COL6A6: variants seen among roughly 807,000 people sequenced by gnomAD.
COL6A6 encodes collagen alpha-6(VI) chain.
COL6A6 carries 183 observed loss-of-function variants against 208.6 expected under a neutral mutation model. That is an observed-to-expected ratio of 0.88 (90% CI 0.78 to 0.99). The LOEUF is 0.99. Ranked by LOEUF, COL6A6 falls within the 50% of genes least tolerant of loss-of-function variation. COL6A6 has a pLI of 0.00. For synonymous variants in COL6A6, 973 were observed against 1,011.8 expected (o/e 0.96, Z 0.73); for missense variants, 2,816 against 2,815.2 (o/e 1.00, Z -0.01).
At chr3:130,554,808 C>T (rs2062730533) in intron 1 of COL6A6, among the ~76,000 whole-genome samples, 1 of 152,106 alleles carries the variant, frequency 6.6e-6, no homozygotes, top group African/African-American at 2.4e-5. Flanking sequence ...TGGGAGGCTG[C>T]AGTGGGGGAG....
rs368227266 is a variant in COL6A6 at position 130,599,767 on chromosome 3, G to T, written c.4610G>T (p.Gly1537Val). ...KGERGRQGRR[G>V]WPGPPGTPGS... ...CTGTTCCTTTGACAGGGCAGAAGAG[G>T]CTGGCCAGGCCCCCCCGGGACACCA... Residue 1537 changes from glycine to valine, a missense_variant, in exon 20 of 37, where the codon GGC (glycine) becomes GTC (valine). Coordinates refer to ENST00000358511, the MANE Select transcript of COL6A6 (RefSeq NM_001102608.3). 3 of 1,613,750 alleles carry T rather than the reference G, an allele frequency of 1.9e-6. No individual in the cohort carries two copies. The East Asian group carries it at 6.7e-5, about 36-fold the overall frequency.
At chr3:130,560,546 G>A in intron 2 of COL6A6, 118 bp downstream of exon 2, 1 of 792,644 alleles carries the variant, frequency 1.3e-6, no homozygotes, top group Non-Finnish European at 2.0e-6. Context: ...TGATGGTAGT[G>A]AGATTAAGGG....
Position 130,567,180 on chromosome 3 carries a change from A to C in COL6A6, c.1761A>C (p.Glu587Asp). The C allele has an allele frequency of 6.2e-7, 1 of 1,613,718 alleles. No individual in the cohort carries two copies. Among genetic ancestry groups the C allele is most frequent in the Non-Finnish European group, 8.5e-7 (1 of 1,179,872 alleles). Residue 587 changes from glutamate (E) to aspartate (D), a missense_variant, in exon 5 of 37, where the codon GAA (glutamate) becomes GAC (aspartate). Transcript: ENST00000358511. Reference protein sequence around the residue: ...QTQLREIAGEEKRVYYVHDFD... With the variant: ...QTQLREIAGEDKRVYYVHDFD... ...AGCTGAGAGAAATTGCAGGAGAGGAAAAGAGAGTGTATTACGTGCATGACT... is the reference window on the plus strand; with the variant it reads ...AGCTGAGAGAAATTGCAGGAGAGGACAAGAGAGTGTATTACGTGCATGACT...
chr3:130,634,515 A>G, intron 26 of COL6A6, 75 bp from the exon 27 acceptor site: 1 of 1,297,660 alleles, frequency 7.7e-7, no homozygotes. Context: ...ACAGGGCAGC[A>G]GGTAAATTGA....
chr3:130,662,689 T>C lies in COL6A6; in HGVS notation c.6502+381T>C, dbSNP rs148846246. On this transcript the variant is annotated intron_variant, in intron 35 of 36. Transcript: ENST00000358511. ...CTGCCCTTTGATGGAAAGTTTCATC[T>C]GTTAAGGCACCAAAAAAGAGAGCCA... Among the ~76,000 whole-genome samples the C allele has an allele frequency of 3.1e-3, 473 of 152,300 alleles. 4 individuals carry two copies. The highest frequency in any genetic ancestry group is 0.011 in the African/African-American group (451 of 41,562).
At position 130,604,269 on chromosome 3, in the gene COL6A6, G is replaced by A. The variant is rs112341397; in HGVS notation, c.4654-2662G>A. ...AGCACTTTGGGAGGCTCAGGCGGGC[G>A]GATCATGAGGTCAGGAGATCGAGAC... On this transcript the variant is annotated intron_variant, in intron 20 of 36. Coordinates refer to ENST00000358511, the MANE Select transcript of COL6A6 (RefSeq NM_001102608.3). Among the ~76,000 whole-genome samples, 1,391 of 152,188 alleles carry A rather than the reference G, an allele frequency of 9.1e-3. 11 individuals are homozygous for A. The highest frequency in any genetic ancestry group is 0.018 in the African/African-American group (734 of 41,544).
In COL6A6 at chr3:130,592,993, T is replaced by C. The variant is rs374290388; in HGVS notation, c.4372-68T>C. ...ATGTGAAACACAAAAATAGAGTTTT[T>C]GTTTGGCATCTGACTTCTTTACACA... On this transcript the variant is annotated intron_variant, in intron 15 of 36. Transcript: ENST00000358511. The C allele has an allele frequency of 3.0e-3, 4,256 of 1,412,934 alleles. 15 individuals carry two copies. Among genetic ancestry groups the C allele is most frequent in the Non-Finnish European group, 3.8e-3 (3,861 of 1,004,754 alleles). The allele number at this position is 1,412,934 out of a possible 1,614,324, so 87.5% of individuals were successfully genotyped here. A position where few individuals can be genotyped will look rare whatever the true frequency, so the allele number is the denominator to read the frequency against.
intron 7 of COL6A6, among the ~76,000 whole-genome samples, chr3:130,572,870 GT>G (rs1363490040): frequency 1.3e-5 from 2 of 152,194 alleles, no homozygotes; most frequent in Admixed American, 1.3e-4. Flanking sequence ...AGTTCGGAGA[GT>G]GGTGAGATCA....
At position 130,599,825 on chromosome 3, in the gene COL6A6, A is replaced by G. The variant is rs143760442; in HGVS notation, c.4653+15A>G. 5 of 1,613,062 alleles carry G rather than the reference A, an allele frequency of 3.1e-6. No individual in the cohort carries two copies. Among genetic ancestry groups the G allele is most frequent in the Non-Finnish European group, 4.2e-6 (5 of 1,179,292 alleles). On this transcript the variant is annotated intron_variant, in intron 20 of 36. Coordinates refer to ENST00000358511, the MANE Select transcript of COL6A6 (RefSeq NM_001102608.3). The stretch of plus-strand genomic sequence containing the variant: ...GAAGAAAGACAGTAAGAGCCCTTCT[A>G]GACAAGGAGACCCACTGTTTTGGTG...
rs1398025659 is a variant in COL6A6 at position 130,574,496 on chromosome 3, G to A, written c.3518G>A (p.Arg1173His). 1.7e-5 allele frequency: 27 copies of A among 1,613,884 alleles called. No individual in the cohort carries two copies. Among genetic ancestry groups the A allele is most frequent in the Middle Eastern group, 1.6e-4 (1 of 6,062 alleles). ...ELKKVNKRIVRNICTTAGESN... is the reference protein window; with the variant it reads ...ELKKVNKRIVHNICTTAGESN... ...AAGAAGGTCAATAAAAGGATCGTTC[G>A]CAACATCTGTACCACAGCGGGTGAA... Residue 1173 changes from arginine to histidine, a missense_variant, in exon 8 of 37, where the codon CGC (arginine) becomes CAC (histidine). Transcript: ENST00000358511.
intron 1 of COL6A6, among the ~76,000 whole-genome samples, chr3:130,518,500 T>G (rs902370329): frequency 4.6e-5 from 7 of 151,950 alleles, no homozygotes; most frequent in East Asian, 1.9e-4. Flanking sequence ...TAAAAGAGGT[T>G]GTCAATTAAT....
At chr3:130,588,556 G>C (rs2063595462) in intron 11 of COL6A6, among the ~76,000 whole-genome samples, 1 of 152,156 alleles carries the variant, frequency 6.6e-6, no homozygotes, top group Non-Finnish European at 1.5e-5. Flanking sequence ...CGTGTAAGTT[G>C]TGTTTTTGAA....
At chr3:130,620,155 G>A (rs1395023919) in intron 23 of COL6A6, among the ~76,000 whole-genome samples, 1 of 152,030 alleles carries the variant, frequency 6.6e-6, no homozygotes. Context: ...GTGTTACTCA[G>A]CCTTTTAATA....
intron 1 of COL6A6, among the ~76,000 whole-genome samples, chr3:130,519,951 C>G (rs530472661): frequency 5.9e-5 from 9 of 152,316 alleles, no homozygotes; most frequent in African/African-American, 2.2e-4. Context: ...AATGATCCGC[C>G]AAACATTGTA....
intron 6 of COL6A6, 90 bp downstream of exon 6, chr3:130,568,694 T>C (rs1012346662): frequency 8.3e-7 from 1 of 1,211,630 alleles, no homozygotes; most frequent in African/African-American, 1.5e-5. Context: ...TATTTACATA[T>C]TGTAAACTTT....
chr3:130,625,541 C>T (rs543148506), intron 24 of COL6A6, among the ~76,000 whole-genome samples: 49 of 152,100 alleles, frequency 3.2e-4, no homozygotes, highest in Admixed American at 1.2e-3. Flanking sequence ...TAATGTTCCT[C>T]CCCCAAACCC....
At chr3:130,550,243 A>G (rs996503796) in intron 1 of COL6A6, among the ~76,000 whole-genome samples, 32 of 152,152 alleles carry the variant, frequency 2.1e-4, no homozygotes, top group Non-Finnish European at 7.4e-5. Context: ...ATAGAATCAT[A>G]TTGTCTGCAA....
rs1239823928 is a variant in COL6A6 at position 130,611,184 on chromosome 3, A to G, written c.4815+473A>G. ...TAACTTCTCCCTAGGAGATCTTAAT[A>G]TAGACCTAGGGTTGGGAATGACTGC... is the stretch of plus-strand genomic sequence containing the variant. On this transcript the variant is annotated intron_variant, in intron 23 of 36. Transcript: ENST00000358511. Among the ~76,000 whole-genome samples the G allele has an allele frequency of 3.9e-5, 6 of 152,178 alleles. No individual in the cohort carries two copies. In the East Asian group the frequency reaches 5.8e-4, roughly 15 times the overall value.
chr3:130,523,135 G>T (rs572229330), intron 1 of COL6A6, among the ~76,000 whole-genome samples: 1 of 152,110 alleles, frequency 6.6e-6, no homozygotes, highest in South Asian at 2.1e-4. Flanking sequence ...TCTTTAGGGA[G>T]ATCTTGCTCT....
Sources: allele counts gnomAD v4.1 joint callset (sites outside exome capture counted in the v4.1 genomes callset), GRCh38; gene constraint gnomAD v4.1.1; transcripts MANE v1.5; gene names NCBI Gene and HGNC (gene_info 2026-07-23, HGNC 2026-07-21).